TAF3: variants seen among roughly 807,000 people sequenced by gnomAD.
TAF3 encodes the protein TATA-box binding protein associated factor 3, also known as transcription initiation factor TFIID subunit 3.
Under a neutral mutation model 80.6 loss-of-function variants are expected in TAF3, and 7 were observed. The ratio of observed to expected loss-of-function variants is 0.09; its 90% CI spans 0.05 to 0.16. The LOEUF is 0.16. Ranked by LOEUF, TAF3 falls within the 10% of genes least tolerant of loss-of-function variation. TAF3 has a pLI of 1.00. For synonymous variants in TAF3, 444 were observed against 446.1 expected, an observed-to-expected ratio of 1.00 and a Z score of 0.06; for missense variants, 921 against 1,140.2, an observed-to-expected ratio of 0.81 and a Z score of 2.77.
chr10:8,003,771 C>T (rs1208445272), intron 4 of TAF3, among the ~76,000 whole-genome samples: 3 of 152,160 alleles, frequency 2.0e-5, no homozygotes, highest in Admixed American at 2.0e-4. Flanking sequence ...CTTGGCCAGG[C>T]ACAGTGGCAT....
chr10:8,008,543 G>A (rs917806159), intron 4 of TAF3, among the ~76,000 whole-genome samples: 7 of 152,190 alleles, frequency 4.6e-5, no homozygotes, highest in Non-Finnish European at 1.0e-4. Flanking sequence ...TTCTTTTTAA[G>A]CTGCTCTGTC....
chr10:7,865,683 G>A (rs1837207269), intron 2 of TAF3, among the ~76,000 whole-genome samples: 1 of 152,160 alleles, frequency 6.6e-6, no homozygotes, highest in African/African-American at 2.4e-5. Flanking sequence ...TTAGAGTTAG[G>A]CTTTCACAGG....
chr10:7,840,298 G>A (rs560439067), intron 2 of TAF3, among the ~76,000 whole-genome samples: 1 of 151,568 alleles, frequency 6.6e-6, no homozygotes, highest in Non-Finnish European at 1.5e-5. Flanking sequence ...GACTACAGGC[G>A]CCCGCCACCA....
At chr10:7,940,229 A>G (rs1276742581) in intron 2 of TAF3, among the ~76,000 whole-genome samples, 1 of 152,238 alleles carries the variant, frequency 6.6e-6, no homozygotes, top group African/African-American at 2.4e-5. Context: ...AGGGTAGAAT[A>G]GGGACATTTT....
intron 2 of TAF3, among the ~76,000 whole-genome samples, chr10:7,896,719 A>G (rs1010342822): frequency 1.2e-4 from 18 of 152,224 alleles, no homozygotes; most frequent in Non-Finnish European, 2.5e-4. Flanking sequence ...GTAGTTTTCT[A>G]CTACCACATG....
intron 2 of TAF3, among the ~76,000 whole-genome samples, chr10:7,887,611 G>A (rs1046759078): frequency 1.3e-5 from 2 of 152,164 alleles, no homozygotes; most frequent in African/African-American, 2.4e-5. Flanking sequence ...GTTTAGGCAA[G>A]ATGAATTGAC....
chr10:7,976,476 A>G (rs1452243108), intron 3 of TAF3, among the ~76,000 whole-genome samples: 1 of 147,920 alleles, frequency 6.8e-6, no homozygotes, highest in African/African-American at 2.5e-5. Flanking sequence ...GTGCACTGGC[A>G]TGATCTCGGC....
intron 2 of TAF3, among the ~76,000 whole-genome samples, chr10:7,825,073 G>A (rs750510315): frequency 6.6e-6 from 1 of 152,152 alleles, no homozygotes; most frequent in East Asian, 1.9e-4. Context: ...ATTATAAAAT[G>A]ATAGCTAATC....
rs1470233416 is a variant in TAF3, at chr10:7,915,520, G to A, written c.410-48400G>A. On this transcript the variant is annotated intron_variant, in intron 2 of 6. Transcript: ENST00000344293. ...TAGCCGGGCATGGTGGTGCGCGCCC[G>A]TAGTCCCAGCTACTTGGGAGGCTGA... is the stretch of plus-strand genomic sequence containing the variant. Among the ~76,000 whole-genome samples the A allele has an allele frequency of 1.3e-4, 19 of 151,428 alleles. 1 individual carries two copies. In the South Asian group the frequency reaches 1.7e-3, roughly 13 times the overall value.
At chr10:7,864,379 T>C (rs1020982281) in intron 2 of TAF3, among the ~76,000 whole-genome samples, 1 of 152,230 alleles carries the variant, frequency 6.6e-6, no homozygotes, top group African/African-American at 2.4e-5. Context: ...ATATAGGCAC[T>C]GTGGAATGGT....
intron 2 of TAF3, among the ~76,000 whole-genome samples, chr10:7,894,473 T>G (rs985834867): frequency 5.8e-4 from 89 of 152,322 alleles, no homozygotes; most frequent in African/African-American, 2.0e-3. Context: ...GCAAGTGTAG[T>G]GTGATGCGTC....
intron 1 of TAF3, 147 bp from the exon 2 acceptor site, chr10:7,824,171 C>T: frequency 2.1e-6 from 2 of 960,020 alleles, no homozygotes; most frequent in Non-Finnish European, 3.0e-6. Flanking sequence ...CTGTGATACT[C>T]TTTAAAATCT....
chr10:7,972,875 A>G (rs965653239), intron 3 of TAF3, among the ~76,000 whole-genome samples: 4 of 152,212 alleles, frequency 2.6e-5, no homozygotes, highest in African/African-American at 4.8e-5. Flanking sequence ...AAAATTTACA[A>G]CTAACCCCAG....
At chr10:7,921,905 A>G (rs150687954) in intron 2 of TAF3, among the ~76,000 whole-genome samples, 226 of 152,228 alleles carry the variant, frequency 1.5e-3, no homozygotes, top group African/African-American at 5.1e-3. Context: ...CTAAGGATAA[A>G]TCATATTTCT....
intron 2 of TAF3, among the ~76,000 whole-genome samples, chr10:7,904,731 T>C (rs1012038400): frequency 1.3e-5 from 2 of 152,148 alleles, no homozygotes; most frequent in African/African-American, 4.8e-5. Flanking sequence ...TTGGCTTTCA[T>C]GATATTTAGT....
chr10:7,895,420 C>T (rs539069205), intron 2 of TAF3, among the ~76,000 whole-genome samples: 8 of 152,294 alleles, frequency 5.3e-5, no homozygotes, highest in Admixed American at 3.3e-4. Flanking sequence ...AGACATCCCA[C>T]GGCTCTGTTT....
intron 2 of TAF3, among the ~76,000 whole-genome samples, chr10:7,887,548 A>G (rs1291180784): frequency 1.3e-5 from 2 of 151,974 alleles, no homozygotes; most frequent in African/African-American, 2.4e-5. Flanking sequence ...GAGATGAGAG[A>G]GCAGAGTAGA....
intron 2 of TAF3, among the ~76,000 whole-genome samples, chr10:7,923,825 T>C (rs1055712891): frequency 4.6e-5 from 7 of 152,136 alleles, no homozygotes; most frequent in African/African-American, 1.7e-4. Context: ...TTGCACATAA[T>C]TGACTTTTTA....
chr10:7,969,232 G>A (rs560386659), intron 3 of TAF3, among the ~76,000 whole-genome samples: 18 of 152,150 alleles, frequency 1.2e-4, no homozygotes, highest in Middle Eastern at 3.4e-3. Flanking sequence ...CTGCTTGGGA[G>A]GCTAAGGCGG....
Sources: allele counts gnomAD v4.1 joint callset (sites outside exome capture counted in the v4.1 genomes callset), GRCh38; gene constraint gnomAD v4.1.1; transcripts MANE v1.5; gene names NCBI Gene and HGNC (gene_info 2026-07-23, HGNC 2026-07-21).